The following SEMA6D variants were observed in gnomAD, a reference collection of about 807,000 sequenced individuals.
SEMA6D encodes the protein semaphorin-6D.
In SEMA6D, 35 loss-of-function variants were observed where a neutral mutation model predicts 106.6. The observed-to-expected ratio is 0.33, with a 90% CI of 0.25 to 0.44. The LOEUF is 0.44. SEMA6D is among the 20% of genes least tolerant of loss of function. SEMA6D has a pLI of 1.00. For missense variants in SEMA6D, 1,185 were observed against 1,345.9 expected (o/e 0.88, Z 1.87); for synonymous variants, 499 against 487.7 (o/e 1.02, Z -0.31).
intron 2 of SEMA6D, among the ~76,000 whole-genome samples, chr15:47,457,894 T>C (rs2042391916): frequency 6.6e-6 from 1 of 150,734 alleles, no homozygotes; most frequent in East Asian, 1.9e-4. Context: ...ACCTTAAAAG[T>C]AGCCAAAAGA....
intron 1 of SEMA6D, among the ~76,000 whole-genome samples, chr15:47,254,201 C>G (rs1452134175): frequency 6.6e-6 from 1 of 150,600 alleles, no homozygotes; most frequent in Non-Finnish European, 1.5e-5. Context: ...TATTCTGCCA[C>G]TTTCTTGAAT....
chr15:47,330,192 G>A (rs1277767515), intron 1 of SEMA6D, among the ~76,000 whole-genome samples: 1 of 152,000 alleles, frequency 6.6e-6, no homozygotes, highest in Non-Finnish European at 1.5e-5. Context: ...GTCTTGCCTA[G>A]GACTGAGCAT....
chr15:47,681,329 G>A lies in SEMA6D; in HGVS notation c.-54-78416G>A, dbSNP rs571852383. On this transcript the variant is annotated intron_variant, in intron 4 of 19. Transcript: ENST00000558014. ...ATGAACCTTGAGAAGATTAAGCTAC[G>A]TGAAATAAGCCAGTCACAGAAGGAC... is the stretch of plus-strand genomic sequence containing the variant. 3.3e-5 allele frequency among the ~76,000 whole-genome samples: 5 copies of A among 152,324 alleles called. No homozygotes were observed. The East Asian group carries it at 5.8e-4, about 18-fold the overall frequency.
At chr15:47,494,770 ATATATATATATATATATAT>A (rs2043591816) in intron 3 of SEMA6D, among the ~76,000 whole-genome samples, 1 of 95,546 alleles carries the variant, frequency 1.0e-5, no homozygotes, top group African/African-American at 4.7e-5. Flanking sequence ...ATATATATAT[ATATATATATATATATATAT>A]AATCTCCAGA....
intron 3 of SEMA6D, among the ~76,000 whole-genome samples, chr15:47,556,113 C>T (rs1484773013): frequency 6.6e-6 from 1 of 152,048 alleles, no homozygotes; most frequent in Non-Finnish European, 1.5e-5. Context: ...GTGGTTTTGG[C>T]ACATACCTTT....
intron 1 of SEMA6D, among the ~76,000 whole-genome samples, chr15:47,200,802 A>C (rs1015856588): frequency 2.0e-5 from 3 of 152,212 alleles, no homozygotes; most frequent in Admixed American, 1.3e-4. Flanking sequence ...AAAAAGAAAG[A>C]TATTTCCAAA....
At chr15:47,252,588 C>T (rs1487152590) in intron 1 of SEMA6D, among the ~76,000 whole-genome samples, 3 of 152,140 alleles carry the variant, frequency 2.0e-5, no homozygotes, top group Admixed American at 6.5e-5. Flanking sequence ...CACCACTCTA[C>T]TCTGTAGTTA....
At chr15:47,562,634 A>C (rs1165015854) in intron 3 of SEMA6D, among the ~76,000 whole-genome samples, 3 of 152,080 alleles carry the variant, frequency 2.0e-5, no homozygotes, top group African/African-American at 7.2e-5. Flanking sequence ...GGAGATGCGA[A>C]TTAAAATCAC....
chr15:47,200,807 TC>T (rs1410822449), intron 1 of SEMA6D, among the ~76,000 whole-genome samples: 3 of 152,210 alleles, frequency 2.0e-5, no homozygotes, highest in Non-Finnish European at 4.4e-5. Context: ...GAAAGATATT[TC>T]CAAAAGTTAA....
chr15:47,305,809 C>G (rs1482075462), intron 1 of SEMA6D, among the ~76,000 whole-genome samples: 1 of 152,190 alleles, frequency 6.6e-6, no homozygotes, highest in Non-Finnish European at 1.5e-5. Context: ...GCCAGCAAGG[C>G]AGCCAAGATA....
At chr15:47,390,050 A>G (rs920769717) in intron 1 of SEMA6D, among the ~76,000 whole-genome samples, 2 of 152,176 alleles carry the variant, frequency 1.3e-5, no homozygotes, top group African/African-American at 4.8e-5. Context: ...TCCCATAGTA[A>G]TACTGACCGA....
At chr15:47,472,583 A>C (rs1489708508) in intron 3 of SEMA6D, among the ~76,000 whole-genome samples, 1 of 152,196 alleles carries the variant, frequency 6.6e-6, no homozygotes, top group Non-Finnish European at 1.5e-5. Context: ...CATCTCTTAT[A>C]ATCTATGTGG....
intron 1 of SEMA6D, among the ~76,000 whole-genome samples, chr15:47,304,923 A>G (rs2036177054): frequency 6.6e-6 from 1 of 152,214 alleles, no homozygotes; most frequent in Non-Finnish European, 1.5e-5. Flanking sequence ...ATTATTAATG[A>G]AGCAAAGCTG....
At chr15:47,332,927 C>T (rs751627352) in intron 1 of SEMA6D, among the ~76,000 whole-genome samples, 3 of 152,034 alleles carry the variant, frequency 2.0e-5, no homozygotes, top group Non-Finnish European at 4.4e-5. Flanking sequence ...GTGTTACCAC[C>T]CCCAACAACT....
intron 1 of SEMA6D, among the ~76,000 whole-genome samples, chr15:47,243,079 C>T (rs1197511372): frequency 6.6e-6 from 1 of 152,148 alleles, no homozygotes; most frequent in Non-Finnish European, 1.5e-5. Context: ...ATACTGAGCA[C>T]TTTTGCTTTG....
At chr15:47,243,731 C>T (rs1042010042) in intron 1 of SEMA6D, among the ~76,000 whole-genome samples, 1 of 151,926 alleles carries the variant, frequency 6.6e-6, no homozygotes, top group African/African-American at 2.4e-5. Context: ...TAAGCTCTAG[C>T]AACTGGTGCT....
chr15:47,568,119 A>C (rs1428729438), intron 3 of SEMA6D, among the ~76,000 whole-genome samples: 2 of 151,908 alleles, frequency 1.3e-5, no homozygotes, highest in Admixed American at 1.3e-4. Context: ...GTGGAGATGT[A>C]ACTTGGAGAC....
Position 47,364,393 on chromosome 15 carries a change from A to C in SEMA6D, c.-238-48000A>C, listed in dbSNP as rs779657754. 2.7e-4 allele frequency among the ~76,000 whole-genome samples: 41 copies of C among 152,160 alleles called. 1 individual carries two copies. The highest frequency in any genetic ancestry group is 6.5e-5 in the Admixed American group (1 of 15,274). On this transcript the variant is annotated intron_variant, in intron 1 of 19. Coordinates refer to the SEMA6D transcript ENST00000558014. ...GACTGTCTCATAATCAGTCACTCGAAAGATGCCAGAGACCATAGAAGAAAA... is the reference window on the plus strand; with the variant it reads ...GACTGTCTCATAATCAGTCACTCGACAGATGCCAGAGACCATAGAAGAAAA...
chr15:47,436,392 CAAAAAAA>C (rs963905868), intron 2 of SEMA6D, among the ~76,000 whole-genome samples: 4 of 126,114 alleles, frequency 3.2e-5, no homozygotes, highest in Non-Finnish European at 5.1e-5. Context: ...GTCTGTCTCA[CAAAAAAA>C]AAAAAGAAAA....
Sources: gnomAD v4.1 joint callset for allele counts (sites outside exome capture counted in the v4.1 genomes callset) on GRCh38, gnomAD v4.1.1 for gene constraint, MANE v1.5 for transcripts, NCBI Gene and HGNC (gene_info 2026-07-23, HGNC 2026-07-21) for gene names.